Variants in BTBD1 observed in about 807,000 individuals in gnomAD.
BTBD1 encodes BTB domain containing 1, also known as BTB/POZ domain-containing protein 1.
BTBD1 carries 34 observed loss-of-function variants against 48.0 expected under a neutral mutation model. The observed-to-expected ratio is 0.71, with a 90% CI of 0.54 to 0.94. The LOEUF (loss-of-function observed/expected upper bound fraction) is 0.94, where lower values mean the gene tolerates loss of function less well. Among genes scored for constraint, BTBD1 ranks in the 40% least tolerant of loss-of-function variants. The pLI is 0.00. For synonymous variants in BTBD1, 261 were observed against 242.1 expected, an observed-to-expected ratio of 1.08 and a Z score of -0.72; for missense variants, 543 against 625.6, an observed-to-expected ratio of 0.87 and a Z score of 1.41.
chr15:83,062,393 C>A (rs1411988593), intron 1 of BTBD1, among the ~76,000 whole-genome samples: 1 of 152,096 alleles, frequency 6.6e-6, no homozygotes, highest in Non-Finnish European at 1.5e-5. Context: ...AACGAAACTA[C>A]AATTTGGAGC....
At chr15:83,031,650 G>A (rs2032519050) in intron 4 of BTBD1, among the ~76,000 whole-genome samples, 4 of 152,140 alleles carry the variant, frequency 2.6e-5, no homozygotes, top group Admixed American at 1.3e-4. Context: ...AGGGGGAAGG[G>A]ATAGCATTAG....
At chr15:83,034,302 A>G (rs1212044988) in intron 4 of BTBD1, among the ~76,000 whole-genome samples, 1 of 152,204 alleles carries the variant, frequency 6.6e-6, no homozygotes, top group Non-Finnish European at 1.5e-5. Context: ...TTGAGAAACT[A>G]TACCAATATC....
chr15:83,025,170 A>T (rs1419650322), intron 5 of BTBD1, among the ~76,000 whole-genome samples: 1 of 152,020 alleles, frequency 6.6e-6, no homozygotes, highest in Non-Finnish European at 1.5e-5. Flanking sequence ...CCTGACCAAC[A>T]TGGTGAAACC....
intron 4 of BTBD1, among the ~76,000 whole-genome samples, chr15:83,037,051 A>C (rs1163635080): frequency 6.6e-6 from 1 of 152,148 alleles, no homozygotes; most frequent in East Asian, 1.9e-4. Flanking sequence ...TTTAAAAAAA[A>C]CCCAAACACT....
chr15:83,064,573 T>TA (rs1330882648), intron 1 of BTBD1, among the ~76,000 whole-genome samples: 1 of 152,128 alleles, frequency 6.6e-6, no homozygotes, highest in Non-Finnish European at 1.5e-5. Context: ...TTTTTCAAAG[T>TA]AAAAAATTGC....
chr15:83,049,762 A>G lies in BTBD1; in HGVS notation c.664+311T>C, dbSNP rs900878401. Among the ~76,000 whole-genome samples the G allele has an allele frequency of 5.0e-4, 76 of 152,140 alleles. 1 individual carries two copies. The highest frequency in any genetic ancestry group is 1.7e-3 in the African/African-American group (69 of 41,438). ...CAAATATTTGTTCTTTGATTCTCCA[A>G]TTAGACGTTTCCTTAACAAGACAAC... On this transcript the variant is annotated intron_variant, in intron 3 of 7. Coordinates refer to ENST00000261721, the MANE Select transcript of BTBD1 (RefSeq NM_025238.4).
At position 83,030,216 on chromosome 15, in the gene BTBD1, G is replaced by A. The variant is rs116584930; in HGVS notation, c.975C>T (p.Leu325=). ...TATTGATGCAGCATTCCTTTCCCCT[G>A]AGACAGCATCTTGGTCGGTCAATGT... The part of the protein sequence containing the change: ...VEYIDRPRCC[L]RGKECCINRF... The change falls in exon 5 of 8, where the codon CTC becomes CTT. Residue 325 remains leucine, a synonymous_variant. Transcript: ENST00000261721. The A allele has an allele frequency of 1.9e-4, 305 of 1,613,898 alleles. No individual in the cohort carries two copies. The African/African-American group carries it at 2.1e-3, about 11-fold the overall frequency.
At chr15:83,041,389 G>A (rs768821850) in intron 4 of BTBD1, among the ~76,000 whole-genome samples, 4 of 147,332 alleles carry the variant, frequency 2.7e-5, no homozygotes, top group Non-Finnish European at 6.0e-5. Flanking sequence ...TTTTTGAGAT[G>A]GAGTCTCGTG....
intron 3 of BTBD1, among the ~76,000 whole-genome samples, chr15:83,046,629 C>G (rs74785003): frequency 1.9e-3 from 287 of 148,938 alleles, no homozygotes; most frequent in African/African-American, 7.0e-3. Context: ...TGAGAACACA[C>G]TGAAGAACAA....
chr15:83,048,626 C>T (rs2032923876), intron 3 of BTBD1, among the ~76,000 whole-genome samples: 1 of 151,246 alleles, frequency 6.6e-6, no homozygotes, highest in African/African-American at 2.5e-5. Context: ...ACTATCCAAA[C>T]ACAGTAAGTC....
intron 3 of BTBD1, among the ~76,000 whole-genome samples, chr15:83,046,716 GT>G: frequency 6.6e-6 from 1 of 152,318 alleles, no homozygotes; most frequent in East Asian, 1.9e-4. Flanking sequence ...CTTGGGCAGT[GT>G]TTAGGGCTCT....
At chr15:83,045,312 G>A (rs2032855687) in intron 3 of BTBD1, among the ~76,000 whole-genome samples, 1 of 152,030 alleles carries the variant, frequency 6.6e-6, no homozygotes, top group Admixed American at 6.6e-5. Flanking sequence ...CTGGCCAACA[G>A]GATGAAACCC....
intron 5 of BTBD1, chr15:83,022,583 A>C (rs539040064): frequency 6.6e-6 from 1 of 152,568 alleles, no homozygotes; most frequent in African/African-American, 2.4e-5. Context: ...AGGCAGGAGA[A>C]TTGCTTAGAA....
chr15:83,018,351 CATTT>C (rs1378304582), intron 7 of BTBD1, 126 bp from the exon 8 acceptor site: 1 of 827,516 alleles, frequency 1.2e-6, no homozygotes, highest in Non-Finnish European at 1.7e-6. Context: ...TTTATGCTGT[CATTT>C]AGAGAAAAAT....
intron 1 of BTBD1, among the ~76,000 whole-genome samples, chr15:83,063,688 G>A (rs1372608759): frequency 2.0e-5 from 3 of 152,000 alleles, no homozygotes; most frequent in African/African-American, 4.8e-5. Flanking sequence ...AAAAGTCTTC[G>A]CTCAGTCTCT....
chr15:83,046,264 T>C (rs778511995), intron 3 of BTBD1, among the ~76,000 whole-genome samples: 1 of 152,076 alleles, frequency 6.6e-6, no homozygotes, highest in East Asian at 1.9e-4. Flanking sequence ...TAATAACTGA[T>C]AAAAAATGTT....
intron 7 of BTBD1, 89 bp from the exon 8 acceptor site, chr15:83,018,314 T>C (rs1339095124): frequency 9.2e-7 from 1 of 1,082,062 alleles, no homozygotes; most frequent in Non-Finnish European, 1.3e-6. Flanking sequence ...TGTTCCATTA[T>C]ATTTCACTAT....
At chr15:83,020,883 AT>A in intron 5 of BTBD1, 121 bp from the exon 6 acceptor site, 1 of 580,148 alleles carries the variant, frequency 1.7e-6, no homozygotes, top group East Asian at 2.9e-5. Context: ...AGGAAAACAA[AT>A]TAGATATCCT....
chr15:83,043,359 C>T (rs2032806207), intron 3 of BTBD1, among the ~76,000 whole-genome samples: 1 of 152,064 alleles, frequency 6.6e-6, no homozygotes, highest in African/African-American at 2.4e-5. Flanking sequence ...GGAAGAGTAG[C>T]AGGCAAGGAG....
Sources: allele counts gnomAD v4.1 joint callset (sites outside exome capture counted in the v4.1 genomes callset), GRCh38; gene constraint gnomAD v4.1.1; transcripts MANE v1.5; gene names NCBI Gene and HGNC (gene_info 2026-07-23, HGNC 2026-07-21).